Variants in RPA3 observed in about 807,000 individuals in gnomAD.
RPA3 encodes the protein replication protein A 14 kDa subunit.
A neutral mutation model predicts 13.7 loss-of-function variants in RPA3; 24 were observed. The observed-to-expected ratio is 1.75, with a 90% CI of 1.27 to 2.46. The LOEUF is 2.46. RPA3 is among the 30% of genes most tolerant of loss of function. The probability of loss-of-function intolerance (pLI) is 0.00; values close to 1 mark genes in which losing one functional copy is unlikely to be tolerated. For synonymous variants in RPA3, 59 were observed against 51.2 expected (o/e 1.15, Z -0.65); for missense variants, 183 against 151.0 (o/e 1.21, Z -1.11).
chr7:7,643,434 G>C (rs1350986912), intron 4 of RPA3, among the ~76,000 whole-genome samples: 1 of 152,238 alleles, frequency 6.6e-6, no homozygotes, highest in Non-Finnish European at 1.5e-5. Context: ...ATCAGGGCCG[G>C]GCGCGGTGGC....
intron 4 of RPA3, among the ~76,000 whole-genome samples, chr7:7,673,698 TC>T (rs1779669123): frequency 1.0e-5 from 1 of 99,362 alleles, no homozygotes; most frequent in Admixed American, 1.2e-4. Flanking sequence ...TAAAATCACT[TC>T]TTTTTCCCCC....
At chr7:7,710,513 T>A (rs2115168836) in intron 2 of RPA3, among the ~76,000 whole-genome samples, 1 of 152,314 alleles carries the variant, frequency 6.6e-6, no homozygotes, top group East Asian at 1.9e-4. Context: ...GATAGGTCTC[T>A]ACAAACCTGT....
At chr7:7,673,347 A>G in intron 4 of RPA3, 1 of 1,276,284 alleles carries the variant, frequency 7.8e-7, no homozygotes, top group Non-Finnish European at 1.1e-6. Context: ...CAGCAGCAGC[A>G]GCAGCAGCAG....
chr7:7,642,652 A>T (rs1231952510), intron 4 of RPA3, among the ~76,000 whole-genome samples: 5 of 152,218 alleles, frequency 3.3e-5, no homozygotes, highest in Non-Finnish European at 5.9e-5. Flanking sequence ...AAAATACATG[A>T]TGTACAGAAA....
At chr7:7,642,841 A>C (rs990714268) in intron 4 of RPA3, among the ~76,000 whole-genome samples, 1 of 152,146 alleles carries the variant, frequency 6.6e-6, no homozygotes, top group Admixed American at 6.5e-5. Context: ...AATTTGTGTT[A>C]AGCTTCCTAA....
At chr7:7,686,980 G>C (rs541095371) in intron 3 of RPA3, among the ~76,000 whole-genome samples, 2 of 152,200 alleles carry the variant, frequency 1.3e-5, no homozygotes, top group Admixed American at 1.3e-4. Flanking sequence ...ACTAGGGTAC[G>C]TTGTAAGGAT....
At chr7:7,683,398 C>T (rs1779960177) in intron 4 of RPA3, among the ~76,000 whole-genome samples, 1 of 152,128 alleles carries the variant, frequency 6.6e-6, no homozygotes. Flanking sequence ...CACTACAGTT[C>T]ACTCTCTAAT....
intron 3 of RPA3, among the ~76,000 whole-genome samples, chr7:7,686,340 A>C (rs1354289412): frequency 6.6e-6 from 1 of 152,178 alleles, no homozygotes; most frequent in Non-Finnish European, 1.5e-5. Context: ...GCCTTCTCAA[A>C]TGTTAGAATG....
intron 2 of RPA3, among the ~76,000 whole-genome samples, chr7:7,704,522 G>A (rs1056195714): frequency 1.5e-4 from 23 of 150,544 alleles, no homozygotes; most frequent in Admixed American, 1.2e-3. Flanking sequence ...TTGGGAAGCC[G>A]AGGTGGGCGG....
At chr7:7,691,576 C>A (rs1780171993) in intron 2 of RPA3, among the ~76,000 whole-genome samples, 1 of 152,204 alleles carries the variant, frequency 6.6e-6, no homozygotes, top group African/African-American at 2.4e-5. Context: ...TATTTTCTTT[C>A]TCATCTTACG....
At chr7:7,658,288 C>T (rs140561372) in intron 4 of RPA3, among the ~76,000 whole-genome samples, 6 of 152,198 alleles carry the variant, frequency 3.9e-5, no homozygotes, top group South Asian at 2.1e-4. Flanking sequence ...TTTTCCTATT[C>T]GAATACCCCT....
In RPA3 at chr7:7,636,960, T is replaced by G; in HGVS notation, c.*40A>C. ...AAGAAGGGCTTCCTTTAATAGACTTTAATATAGCTCATTTACAATCGTATG... is the reference window on the plus strand; with the variant it reads ...AAGAAGGGCTTCCTTTAATAGACTTGAATATAGCTCATTTACAATCGTATG... On this transcript the variant is annotated 3_prime_UTR_variant, in exon 8 of 8. Coordinates refer to ENST00000223129, the MANE Select transcript of RPA3 (RefSeq NM_002947.5). 1.4e-6 allele frequency: 2 copies of G among 1,409,756 alleles called. No homozygotes were observed. Among genetic ancestry groups the G allele is most frequent in the Non-Finnish European group, 2.0e-6 (2 of 996,830 alleles). The allele number at this position is 1,409,756 out of a possible 1,614,324, so 87.3% of individuals were successfully genotyped here.
intron 4 of RPA3, among the ~76,000 whole-genome samples, chr7:7,653,262 T>G (rs1252224192): frequency 6.6e-6 from 1 of 152,250 alleles, no homozygotes; most frequent in Non-Finnish European, 1.5e-5. Context: ...GTTATATTTG[T>G]AACTTTCCTA....
intron 4 of RPA3, among the ~76,000 whole-genome samples, chr7:7,666,378 A>T (rs1583710917): frequency 6.6e-6 from 1 of 151,760 alleles, no homozygotes; most frequent in African/African-American, 2.4e-5. Flanking sequence ...TGATTTTTGT[A>T]TTTTTTTGTA....
chr7:7,685,174 T>C (rs10263415), intron 4 of RPA3, among the ~76,000 whole-genome samples: 85,686 of 151,980 alleles, frequency 0.56, 24,523 homozygotes, highest in East Asian at 0.8. Context: ...AAGACCTGAA[T>C]GTCTTTCTGG....
intron 5 of RPA3, 155 bp downstream of exon 5, chr7:7,640,165 C>A: frequency 3.9e-6 from 3 of 760,098 alleles, no homozygotes; most frequent in South Asian, 1.5e-5. Context: ...GGGGCTACAA[C>A]GGCTAAAGAA....
intron 1 of RPA3, among the ~76,000 whole-genome samples, chr7:7,716,683 C>T (rs1214961592): frequency 1.3e-5 from 2 of 152,218 alleles, no homozygotes; most frequent in African/African-American, 4.8e-5. Flanking sequence ...CGGTGGCTCA[C>T]GCCTGTCATC....
intron 4 of RPA3, among the ~76,000 whole-genome samples, chr7:7,663,743 G>T (rs7781054): frequency 0.65 from 99,256 of 152,030 alleles, 32,637 homozygotes; most frequent in East Asian, 0.87. Flanking sequence ...ATAAATGGAT[G>T]CAAAATTGGT....
intron 7 of RPA3, 135 bp downstream of exon 7, chr7:7,637,729 A>G (rs1784887587): frequency 2.1e-6 from 1 of 481,918 alleles, no homozygotes; most frequent in East Asian, 3.2e-5. Context: ...AATTACATAC[A>G]GTTATATAAA....
Sources: gnomAD v4.1 joint callset for allele counts (sites outside exome capture counted in the v4.1 genomes callset) on GRCh38, gnomAD v4.1.1 for gene constraint, MANE v1.5 for transcripts, NCBI Gene and HGNC (gene_info 2026-07-23, HGNC 2026-07-21) for gene names.